MYH13: variants seen among roughly 807,000 people sequenced by gnomAD.
The protein encoded by MYH13 is myosin heavy chain 13.
A neutral mutation model predicts 232.1 loss-of-function variants in MYH13; 177 were observed. That is an observed-to-expected ratio of 0.76 (90% CI 0.67 to 0.86). The LOEUF (loss-of-function observed/expected upper bound fraction) is 0.86, where lower values mean the gene tolerates loss of function less well. Among genes scored for constraint, MYH13 ranks in the 40% least tolerant of loss-of-function variants. The probability of loss-of-function intolerance (pLI) is 0.00; values close to 1 mark genes in which losing one functional copy is unlikely to be tolerated. For synonymous variants in MYH13, 884 were observed against 923.5 expected (o/e 0.96, Z 0.78); for missense variants, 2,246 against 2,405.9 (o/e 0.93, Z 1.39).
chr17:10,332,123 C>T lies in MYH13; in HGVS notation c.2274G>A (p.Glu758=), dbSNP rs1167620313. The T allele has an allele frequency of 2.5e-6, 4 of 1,614,004 alleles. No individual in the cohort carries two copies. Among genetic ancestry groups the T allele is most frequent in the Admixed American group, 1.7e-5 (1 of 60,024 alleles). ...CCTTGGTGTTGCCGAACCTGAACTG[C>T]TCCCGGTCCACATCGATGGAGTTGA... is the stretch of plus-strand genomic sequence containing the variant. The part of the protein sequence containing the change: ...KLLNSIDVDR[E]QFRFGNTKVF... Residue 758 remains glutamate (E), a synonymous_variant, in exon 20 of 41, where the codon GAG becomes GAA. Coordinates refer to ENST00000252172, the MANE Select transcript of MYH13 (RefSeq NM_003802.3).
intron 19 of MYH13, among the ~76,000 whole-genome samples, chr17:10,332,862 A>G (rs147757072): frequency 1.3e-5 from 2 of 152,312 alleles, no homozygotes; most frequent in African/African-American, 4.8e-5. Context: ...TAGAGTCACA[A>G]TCAGGCTAGA....
Position 10,306,245 on chromosome 17 carries a change from T to C in MYH13, c.5466+214A>G, listed in dbSNP as rs1012279463. 5.3e-5 allele frequency among the ~76,000 whole-genome samples: 8 copies of C among 150,888 alleles called. No individual in the cohort carries two copies. Among genetic ancestry groups the C allele is most frequent in the Non-Finnish European group, 1.2e-4 (8 of 67,566 alleles). On this transcript the variant is annotated intron_variant, in intron 37 of 40. Transcript: ENST00000252172. The surrounding 1 kb of genome is among the most constrained non-coding windows in gnomAD (Gnocchi z 4.3). ...ATGTGTGTGTGTGTGTGTGTGTGTG[T>C]GTGTGTGTGTGTGTGTGTGTGTGTT...
At chr17:10,302,925 G>A (rs138781261) in intron 39 of MYH13, among the ~76,000 whole-genome samples, 2 of 151,942 alleles carry the variant, frequency 1.3e-5, no homozygotes, top group African/African-American at 4.8e-5. Context: ...CATGCTCTAG[G>A]GGGTGTCAAG....
chr17:10,355,053 A>T (rs765956900), intron 9 of MYH13, 31 bp downstream of exon 9: 1 of 1,609,594 alleles, frequency 6.2e-7, no homozygotes, highest in South Asian at 1.1e-5. Flanking sequence ...TGGCCAAAAC[A>T]CCAACGGATT....
chr17:10,350,024 G>A lies in MYH13; in HGVS notation c.1144+532C>T, dbSNP rs146298036. ...CTGCTGCCCTGTGCTCTAGTTCCAG[G>A]CCTCTTAGGGATGGGGCAGAGGGTG... On this transcript the variant is annotated intron_variant, in intron 12 of 40. Coordinates refer to ENST00000252172, the MANE Select transcript of MYH13 (RefSeq NM_003802.3). Among the ~76,000 whole-genome samples, 39 of 152,254 alleles carry A rather than the reference G, an allele frequency of 2.6e-4. 1 individual carries two copies. The East Asian group carries it at 7.3e-3, about 29-fold the overall frequency.
At position 10,366,164 on chromosome 17, in the gene MYH13, G is replaced by A. The variant is rs1404661685; in HGVS notation, c.-12-1622C>T. ...GGTTCCCGTAAGTCCTGTGTGGACT[G>A]TTCCTCTTCTCAGAATTTGCTTCTC... On this transcript the variant is annotated intron_variant, in intron 2 of 40. Coordinates refer to ENST00000252172, the MANE Select transcript of MYH13 (RefSeq NM_003802.3). 2.6e-5 allele frequency among the ~76,000 whole-genome samples: 4 copies of A among 151,928 alleles called. No individual in the cohort carries two copies. The East Asian group carries it at 7.7e-4, about 29-fold the overall frequency.
intron 31 of MYH13, 59 bp from the exon 32 acceptor site, chr17:10,312,135 C>A: frequency 1.3e-6 from 2 of 1,589,998 alleles, no homozygotes; most frequent in South Asian, 2.3e-5. Flanking sequence ...CAGAAGAGTT[C>A]ATGCAAACAA....
At chr17:10,301,915 G>C (rs1906109425) in intron 39 of MYH13, among the ~76,000 whole-genome samples, 4 of 152,180 alleles carry the variant, frequency 2.6e-5, no homozygotes, top group Non-Finnish European at 1.5e-5. Flanking sequence ...AGGTGCTACT[G>C]TCCCTTCTAG....
At chr17:10,341,560 T>G (rs1220483829) in intron 16 of MYH13, 1 of 152,252 alleles carries the variant, frequency 6.6e-6, no homozygotes, top group Non-Finnish European at 1.5e-5. Flanking sequence ...TCTCTGATAC[T>G]TAATCAAGAT....
At chr17:10,351,817 G>C (rs2071712773) in intron 11 of MYH13, among the ~76,000 whole-genome samples, 1 of 152,218 alleles carries the variant, frequency 6.6e-6, no homozygotes, top group Admixed American at 6.5e-5. Flanking sequence ...TTATGCAGTA[G>C]GGTTTGCAGC....
chr17:10,328,162 G>T (rs1192077469), intron 21 of MYH13, 41 bp from the exon 22 acceptor site: 13 of 1,604,798 alleles, frequency 8.1e-6, no homozygotes, highest in Non-Finnish European at 1.1e-5. Flanking sequence ...ATCCAGCAAG[G>T]TCTGGTCTCT....
intron 20 of MYH13, among the ~76,000 whole-genome samples, chr17:10,330,917 T>C (rs1907388654): frequency 6.6e-6 from 1 of 152,094 alleles, no homozygotes; most frequent in Non-Finnish European, 1.5e-5. Flanking sequence ...CTCAGGAGGC[T>C]GAGGCAGGAG....
rs777745684 is a variant in MYH13 at position 10,311,246 on chromosome 17, A to C, written c.4532-19T>G. On this transcript the variant is annotated intron_variant, in intron 32 of 40. Coordinates refer to ENST00000252172, the MANE Select transcript of MYH13 (RefSeq NM_003802.3). ...ATCTCTTCTGCAAAGGACAGGCTTG[A>C]TTTAGGCTGTTTCAACAGGCTCCAG... 1.2e-6 allele frequency: 2 copies of C among 1,613,414 alleles called. No homozygotes were observed. The highest frequency in any genetic ancestry group is 2.2e-5 in the South Asian group (2 of 90,960).
At chr17:10,332,527 A>G (rs527449961) in intron 19 of MYH13, among the ~76,000 whole-genome samples, 248 of 152,278 alleles carry the variant, frequency 1.6e-3, no homozygotes, top group African/African-American at 5.6e-3. Flanking sequence ...CTTGAAATCA[A>G]CCGTGACCTG....
intron 2 of MYH13, among the ~76,000 whole-genome samples, chr17:10,368,048 T>C (rs545607697): frequency 1.3e-4 from 20 of 152,308 alleles, no homozygotes; most frequent in Non-Finnish European, 2.5e-4. Flanking sequence ...TCTTTTCCCA[T>C]ATGTGAATTT....
Position 10,364,626 on chromosome 17 carries a change from G to A in MYH13, c.-12-84C>T, listed in dbSNP as rs938406492. On this transcript the variant is annotated intron_variant, in intron 2 of 40. Transcript: ENST00000252172. ...GCCCCTACCCTTATTCTATTAAAAC[G>A]GGGCCAGATTCAAAGGCTCCTAGAT... 76 of 1,064,116 alleles carry A rather than the reference G, an allele frequency of 7.1e-5. 1 individual carries two copies. The highest frequency in any genetic ancestry group is 9.6e-5 in the Non-Finnish European group (70 of 729,858). 65.9% of individuals were successfully genotyped at this position (1,064,116 alleles called of 1,614,324 possible).
intron 2 of MYH13, among the ~76,000 whole-genome samples, chr17:10,368,023 A>G (rs2071850160): frequency 6.6e-6 from 1 of 152,204 alleles, no homozygotes; most frequent in African/African-American, 2.4e-5. Flanking sequence ...TCTGTCTTGC[A>G]TTTTGAGTGG....
chr17:10,333,867 C>T (rs1907495520), intron 18 of MYH13, among the ~76,000 whole-genome samples: 1 of 151,392 alleles, frequency 6.6e-6, no homozygotes, highest in African/African-American at 2.4e-5. Context: ...GAGATTGAGC[C>T]ACTGCACTCC....
chr17:10,359,404 C>A (rs968609632), intron 7 of MYH13, among the ~76,000 whole-genome samples: 1 of 152,192 alleles, frequency 6.6e-6, no homozygotes, highest in African/African-American at 2.4e-5. Context: ...GAGGATGTCA[C>A]CTGCAGAGAC....
Sources: gnomAD v4.1 joint callset for allele counts (sites outside exome capture counted in the v4.1 genomes callset) on GRCh38, gnomAD v4.1.1 for gene constraint, Gnocchi (gnomAD v3.1) non-coding constraint, MANE v1.5 for transcripts, NCBI Gene and HGNC (gene_info 2026-07-23, HGNC 2026-07-21) for gene names.